The following RAB38 variants were observed in gnomAD, a reference collection of about 807,000 sequenced individuals.
RAB38 encodes the protein RAB38, member RAS oncogene family.
In RAB38, 15 loss-of-function variants were observed where a neutral mutation model predicts 18.4. The observed-to-expected ratio is 0.82, with a 90% CI of 0.55 to 1.26. The LOEUF (loss-of-function observed/expected upper bound fraction) is 1.26, where lower values mean the gene tolerates loss of function less well. Among genes scored for constraint, RAB38 ranks in the 50% most tolerant of loss-of-function variants. The probability of loss-of-function intolerance (pLI) is 0.00; values close to 1 mark genes in which losing one functional copy is unlikely to be tolerated. For missense variants in RAB38, 294 were observed against 267.4 expected (o/e 1.10, Z -0.69); for synonymous variants, 101 against 104.4 (o/e 0.97, Z 0.20).
At chr11:87,873,922 G>GTGTGTGTATATATATATATA in the RAB38 span, among the ~76,000 whole-genome samples, 89 of 103,098 alleles carry the variant, frequency 8.6e-4, 4 homozygotes, top group Admixed American at 6.4e-3. Flanking sequence ...GTGTGTGTGT[G>GTGTGTGTATATATATATATA]TATATATATA....
chr11:88,057,636 G>A, the RAB38 span, among the ~76,000 whole-genome samples: 5 of 152,042 alleles, frequency 3.3e-5, no homozygotes, highest in African/African-American at 7.2e-5. Context: ...AATTTCCCTC[G>A]GCAGAGTAGG....
the RAB38 span, among the ~76,000 whole-genome samples, chr11:87,804,862 T>A: frequency 3.3e-5 from 5 of 152,208 alleles, no homozygotes; most frequent in African/African-American, 1.2e-4. Context: ...TCATTCCATG[T>A]AAACAAAACT....
At chr11:88,089,946 T>A in the RAB38 span, among the ~76,000 whole-genome samples, 21 of 152,034 alleles carry the variant, frequency 1.4e-4, no homozygotes, top group African/African-American at 4.6e-4. Context: ...TGCCTGATGA[T>A]CTTGAGGTGG....
chr11:88,151,129 C>T lies in RAB38; in HGVS notation c.203-1174G>A, dbSNP rs964282328. Among the ~76,000 whole-genome samples, 3 of 152,156 alleles carry T rather than the reference C, an allele frequency of 2.0e-5. No individual in the cohort carries two copies. The East Asian group carries it at 5.8e-4, about 29-fold the overall frequency. ...GCTTAACGTTCTGATTGAATATTGT[C>T]AAGTTTCTTAAGCACTCTAAGTTTA... On this transcript the variant is annotated intron_variant, in intron 1 of 2. Transcript: ENST00000243662.
chr11:88,043,139 C>A, the RAB38 span, among the ~76,000 whole-genome samples: 1 of 152,158 alleles, frequency 6.6e-6, no homozygotes, highest in African/African-American at 2.4e-5. Context: ...ACCATCTCTG[C>A]GAGACATTTC....
At chr11:87,913,710 A>G in the RAB38 span, among the ~76,000 whole-genome samples, 3 of 152,074 alleles carry the variant, frequency 2.0e-5, no homozygotes, top group East Asian at 5.8e-4. Context: ...GACTGAATTC[A>G]TTCTTGTGGG....
the RAB38 span, among the ~76,000 whole-genome samples, chr11:87,890,678 C>T: frequency 6.6e-6 from 1 of 151,886 alleles, no homozygotes; most frequent in Non-Finnish European, 1.5e-5. Context: ...CTTCCTGCCA[C>T]TCCCTGAATC....
At chr11:88,127,590 A>G (rs959303393) in intron 2 of RAB38, among the ~76,000 whole-genome samples, 3 of 152,220 alleles carry the variant, frequency 2.0e-5, no homozygotes, top group African/African-American at 7.2e-5. Context: ...CCCTCACCTA[A>G]GTAGTGCTAC....
the RAB38 span, among the ~76,000 whole-genome samples, chr11:87,974,470 A>G: frequency 6.6e-6 from 1 of 151,860 alleles, no homozygotes; most frequent in Non-Finnish European, 1.5e-5. Context: ...TTAGAAAACA[A>G]AAACCTCAGT....
intron 1 of RAB38, among the ~76,000 whole-genome samples, chr11:88,153,494 A>G (rs1389827570): frequency 6.6e-6 from 1 of 152,074 alleles, no homozygotes; most frequent in African/African-American, 2.4e-5. Flanking sequence ...CTCCCCCAGC[A>G]CTGCTCCTGC....
the RAB38 span, among the ~76,000 whole-genome samples, chr11:88,070,199 C>A: frequency 1.3e-5 from 2 of 152,136 alleles, no homozygotes; most frequent in Non-Finnish European, 2.9e-5. Context: ...CCAGTGAGAC[C>A]ACAAACCCAC....
At chr11:88,167,024 T>G (rs1163976400) in intron 1 of RAB38, 1 of 152,114 alleles carries the variant, frequency 6.6e-6, no homozygotes, top group South Asian at 2.1e-4. Flanking sequence ...GGGATACACT[T>G]TGGAGGAAAA....
At chr11:87,867,370 T>A in the RAB38 span, among the ~76,000 whole-genome samples, 1 of 151,600 alleles carries the variant, frequency 6.6e-6, no homozygotes, top group Non-Finnish European at 1.5e-5. Context: ...GACAGAAAAA[T>A]TAAAATGCCA....
chr11:87,806,267 T>G, the RAB38 span, among the ~76,000 whole-genome samples: 1 of 152,114 alleles, frequency 6.6e-6, no homozygotes, highest in African/African-American at 2.4e-5. Flanking sequence ...TGGGAGAAAT[T>G]TAATCTCTTA....
intron 1 of RAB38, among the ~76,000 whole-genome samples, chr11:88,162,019 A>AAAATC (rs1943193563): frequency 6.6e-6 from 1 of 152,094 alleles, no homozygotes; most frequent in Non-Finnish European, 1.5e-5. Flanking sequence ...CTAGAAGAAA[A>AAAATC]AAATCAAACT....
intron 2 of RAB38, among the ~76,000 whole-genome samples, chr11:88,138,775 A>ATTT: frequency 4.3e-5 from 3 of 69,694 alleles, no homozygotes; most frequent in African/African-American, 1.3e-4. Context: ...TTTTATTATT[A>ATTT]TTCTTTTTTT....
chr11:88,072,922 A>C, the RAB38 span, among the ~76,000 whole-genome samples: 1 of 152,336 alleles, frequency 6.6e-6, no homozygotes, highest in African/African-American at 2.4e-5. Context: ...CCAGAACTTA[A>C]GTCTGAGGAA....
At chr11:88,149,574 T>C (rs1214918965) in intron 2 of RAB38, 101 bp downstream of exon 2, 1 of 1,385,268 alleles carries the variant, frequency 7.2e-7, no homozygotes, top group Non-Finnish European at 9.8e-7. Flanking sequence ...CATACATCAC[T>C]AAACAAACAT....
At chr11:88,154,266 C>T (rs1943098788) in intron 1 of RAB38, among the ~76,000 whole-genome samples, 1 of 152,164 alleles carries the variant, frequency 6.6e-6, no homozygotes, top group Non-Finnish European at 1.5e-5. Context: ...CATAGAAAGG[C>T]AACTATTCAT....
Sources: gnomAD v4.1 joint callset for allele counts (sites outside exome capture counted in the v4.1 genomes callset) on GRCh38, gnomAD v4.1.1 for gene constraint, MANE v1.5 for transcripts, NCBI Gene and HGNC (gene_info 2026-07-23, HGNC 2026-07-21) for gene names.